TINAG: variants seen among roughly 807,000 people sequenced by gnomAD.
TINAG encodes the protein tubulointerstitial nephritis antigen.
Under a neutral mutation model 72.7 loss-of-function variants are expected in TINAG, and 83 were observed. The ratio of observed to expected loss-of-function variants is 1.14; its 90% CI spans 0.96 to 1.37. TINAG has a LOEUF of 1.37. Among genes scored for constraint, TINAG ranks in the 40% most tolerant of loss-of-function variants. TINAG has a pLI of 0.00. For synonymous variants in TINAG, 234 were observed against 189.9 expected (o/e 1.23, Z -1.91); for missense variants, 685 against 576.6 (o/e 1.19, Z -1.93).
Position 54,389,974 on chromosome 6 carries a change from T to C in TINAG, c.*49T>C. 1 of 1,587,920 alleles carries C rather than the reference T, an allele frequency of 6.3e-7. No homozygotes were observed. The highest frequency in any genetic ancestry group is 8.5e-7 in the Non-Finnish European group (1 of 1,172,104). On this transcript the variant is annotated 3_prime_UTR_variant, in exon 11 of 11. Transcript: ENST00000259782. ...TCATGCCTTTAAGTAACCCCCTAAATTGAAGTTTAGCAATATGACATTCTT... is the reference window on the plus strand; with the variant it reads ...TCATGCCTTTAAGTAACCCCCTAAACTGAAGTTTAGCAATATGACATTCTT...
chr6:54,327,120 A>C, intron 4 of TINAG: 1 of 1,549,128 alleles, frequency 6.5e-7, no homozygotes, highest in Non-Finnish European at 8.7e-7. Context: ...ACTGTTACCA[A>C]TTAGACATAG....
chr6:54,333,368 C>G (rs555947442), intron 4 of TINAG, among the ~76,000 whole-genome samples: 1 of 151,570 alleles, frequency 6.6e-6, no homozygotes, highest in Admixed American at 6.6e-5. Context: ...AAGACAGGAA[C>G]AGAAAACCAA....
At chr6:54,345,106 AT>A (rs1052935101) in intron 5 of TINAG, among the ~76,000 whole-genome samples, 1 of 152,158 alleles carries the variant, frequency 6.6e-6, no homozygotes, top group African/African-American at 2.4e-5. Context: ...TTTCACATAC[AT>A]TTGAAGACGG....
intron 6 of TINAG, among the ~76,000 whole-genome samples, 193 bp downstream of exon 6, chr6:54,347,710 C>A (rs1785160065): frequency 6.6e-6 from 1 of 151,930 alleles, no homozygotes. Flanking sequence ...CTATTAGAAA[C>A]ACCTCCTGAA....
intron 10 of TINAG, among the ~76,000 whole-genome samples, chr6:54,388,566 G>A (rs1036654093): frequency 6.6e-6 from 1 of 152,080 alleles, no homozygotes; most frequent in African/African-American, 2.4e-5. Context: ...TCCCAGGGTA[G>A]GGTAAATGGG....
chr6:54,346,031 A>T (rs1785113530), intron 5 of TINAG, among the ~76,000 whole-genome samples: 1 of 152,110 alleles, frequency 6.6e-6, no homozygotes, highest in Non-Finnish European at 1.5e-5. Flanking sequence ...AAACCAACTT[A>T]GAACAAAACT....
intron 3 of TINAG, among the ~76,000 whole-genome samples, chr6:54,324,438 C>T (rs1784560651): frequency 6.6e-6 from 1 of 152,166 alleles, no homozygotes; most frequent in Admixed American, 6.6e-5. Context: ...CCCAGTCCTC[C>T]CTTAAAGCTT....
intron 9 of TINAG, among the ~76,000 whole-genome samples, chr6:54,365,817 G>A (rs139793000): frequency 1.6e-4 from 24 of 151,686 alleles, no homozygotes; most frequent in African/African-American, 5.5e-4. Context: ...CTCTGAGATT[G>A]TATGTTCTCT....
At chr6:54,371,989 T>G (rs1182708206) in intron 9 of TINAG, among the ~76,000 whole-genome samples, 2 of 138,198 alleles carry the variant, frequency 1.4e-5, no homozygotes, top group African/African-American at 2.7e-5. Context: ...ATGTTTTTTT[T>G]TTTTTTTTTT....
intron 9 of TINAG, among the ~76,000 whole-genome samples, chr6:54,361,848 G>T (rs1304808812): frequency 6.6e-6 from 1 of 151,624 alleles, no homozygotes. Context: ...CCTTATTGCT[G>T]AAATAGAAAA....
chr6:54,387,262 C>A (rs1764124211), intron 10 of TINAG, among the ~76,000 whole-genome samples: 1 of 152,050 alleles, frequency 6.6e-6, no homozygotes, highest in South Asian at 2.1e-4. Context: ...TAATATCCAG[C>A]ATAGATGAGG....
At chr6:54,336,545 C>G (rs868013404) in intron 4 of TINAG, among the ~76,000 whole-genome samples, 3 of 152,050 alleles carry the variant, frequency 2.0e-5, no homozygotes, top group Middle Eastern at 3.4e-3. Flanking sequence ...GAGATAGCAC[C>G]AAGAAGCTTC....
chr6:54,310,899 C>CTCTTTT (rs1784239821), intron 1 of TINAG, among the ~76,000 whole-genome samples: 1 of 49,628 alleles, frequency 2.0e-5, no homozygotes, highest in East Asian at 8.1e-4. Context: ...ATTTCTCTCC[C>CTCTTTT]TCTTTCTCTT....
intron 4 of TINAG, among the ~76,000 whole-genome samples, chr6:54,339,123 T>C (rs1784938586): frequency 6.6e-6 from 1 of 152,206 alleles, no homozygotes. Context: ...CAATGAAATA[T>C]GACATTGCCC....
intron 8 of TINAG, among the ~76,000 whole-genome samples, 175 bp downstream of exon 8, chr6:54,351,572 C>G (rs1490526045): frequency 6.6e-6 from 1 of 151,806 alleles, no homozygotes; most frequent in Non-Finnish European, 1.5e-5. Flanking sequence ...TTACCTATAT[C>G]TTAATTAGCT....
At chr6:54,386,208 G>T (rs1017688691) in intron 10 of TINAG, among the ~76,000 whole-genome samples, 2 of 152,052 alleles carry the variant, frequency 1.3e-5, no homozygotes, top group Non-Finnish European at 2.9e-5. Context: ...CTTAATTGGT[G>T]CAGAAAATGC....
chr6:54,353,550 A>G (rs1785318369), intron 8 of TINAG, among the ~76,000 whole-genome samples: 1 of 151,854 alleles, frequency 6.6e-6, no homozygotes, highest in Non-Finnish European at 1.5e-5. Flanking sequence ...AATTCTTAAA[A>G]TCCTCTAGGA....
At chr6:54,334,132 C>T (rs1048509539) in intron 4 of TINAG, among the ~76,000 whole-genome samples, 4 of 152,184 alleles carry the variant, frequency 2.6e-5, no homozygotes, top group Admixed American at 1.3e-4. Flanking sequence ...CGTGTTACCA[C>T]CCAATGTGTG....
At chr6:54,359,818 G>T (rs1763165660) in intron 9 of TINAG, among the ~76,000 whole-genome samples, 1 of 151,758 alleles carries the variant, frequency 6.6e-6, no homozygotes, top group African/African-American at 2.4e-5. Context: ...AGGATTTCCT[G>T]ATTTGGTAAT....
Sources: gnomAD v4.1 joint callset for allele counts (sites outside exome capture counted in the v4.1 genomes callset) on GRCh38, gnomAD v4.1.1 for gene constraint, MANE v1.5 for transcripts, NCBI Gene and HGNC (gene_info 2026-07-23, HGNC 2026-07-21) for gene names.